Variants in GPM6A observed in about 807,000 individuals in gnomAD.
GPM6A encodes glycoprotein M6A.
Under a neutral mutation model 32.1 loss-of-function variants are expected in GPM6A, and 7 were observed. That is an observed-to-expected ratio of 0.22 (90% CI 0.12 to 0.41). The LOEUF is 0.41. Ranked by LOEUF, GPM6A falls within the 10% of genes least tolerant of loss-of-function variation. The pLI, the probability that GPM6A is intolerant of heterozygous loss-of-function variation, is 1.00. For synonymous variants in GPM6A, 130 were observed against 123.4 expected (o/e 1.05, Z -0.35); for missense variants, 235 against 347.2 (o/e 0.68, Z 2.57).
At position 175,696,843 on chromosome 4, in the gene GPM6A, C is replaced by A. The variant is rs550703575; in HGVS notation, c.230+4732G>T. Among the ~76,000 whole-genome samples the A allele has an allele frequency of 5.9e-5, 9 of 152,122 alleles. No individual in the cohort carries two copies. In the South Asian group the frequency reaches 1.0e-3, roughly 17 times the overall value. The stretch of plus-strand genomic sequence containing the variant: ...CAACTGTTTCCTACTTCATTAACTT[C>A]CAAGGAGTAAACGTAAACTACAAGC... On this transcript the variant is annotated intron_variant, in intron 2 of 6. Coordinates refer to ENST00000393658, the MANE Select transcript of GPM6A (RefSeq NM_201591.3).
chr4:175,918,418 A>T (rs1335375720), intron 1 of GPM6A, among the ~76,000 whole-genome samples: 3 of 152,178 alleles, frequency 2.0e-5, no homozygotes, highest in African/African-American at 7.2e-5. Flanking sequence ...TAGGGAAAAG[A>T]AATGAGGCAC....
chr4:175,851,214 G>A (rs1359866246), intron 1 of GPM6A, among the ~76,000 whole-genome samples: 1 of 151,892 alleles, frequency 6.6e-6, no homozygotes, highest in East Asian at 1.9e-4. Flanking sequence ...AAAATTAGCT[G>A]GGTGTGGTGG....
intron 1 of GPM6A, among the ~76,000 whole-genome samples, chr4:175,804,168 A>G (rs1579520323): frequency 6.6e-6 from 1 of 152,314 alleles, no homozygotes; most frequent in East Asian, 1.9e-4. Context: ...CCTTATTTTA[A>G]TAATGAATTC....
chr4:175,730,697 C>T (rs1731389284), intron 1 of GPM6A, among the ~76,000 whole-genome samples: 2 of 152,142 alleles, frequency 1.3e-5, no homozygotes, highest in Admixed American at 6.5e-5. Flanking sequence ...TGGTCTCGAT[C>T]TCCTGACCTC....
intron 1 of GPM6A, among the ~76,000 whole-genome samples, chr4:175,804,713 C>T (rs965337101): frequency 1.3e-5 from 2 of 151,756 alleles, no homozygotes; most frequent in South Asian, 2.1e-4. Flanking sequence ...TGTTCAATAA[C>T]GAAACTGAAC....
intron 3 of GPM6A, among the ~76,000 whole-genome samples, chr4:175,671,300 T>C (rs56322600): frequency 0.032 from 4,869 of 149,968 alleles, 103 homozygotes; most frequent in Non-Finnish European, 0.045. Flanking sequence ...TATATACTTG[T>C]TGCAAAAAAA....
At chr4:175,964,249 CTAAG>C (rs1172263359) in intron 1 of GPM6A, among the ~76,000 whole-genome samples, 3 of 151,756 alleles carry the variant, frequency 2.0e-5, no homozygotes, top group Non-Finnish European at 2.9e-5. Flanking sequence ...AAGAGAGAGA[CTAAG>C]TGCATAAAAC....
At chr4:175,864,473 T>C (rs1736669588) in intron 1 of GPM6A, among the ~76,000 whole-genome samples, 1 of 152,014 alleles carries the variant, frequency 6.6e-6, no homozygotes, top group African/African-American at 2.4e-5. Context: ...CATGCCCAGC[T>C]TTTTGCTAAT....
chr4:175,685,048 C>T (rs557520512), intron 2 of GPM6A, among the ~76,000 whole-genome samples: 36 of 152,088 alleles, frequency 2.4e-4, no homozygotes, highest in African/African-American at 8.0e-4. Flanking sequence ...CCACCACGCC[C>T]GGCTAATTTT....
At chr4:175,799,810 G>A (rs1184254425) in intron 1 of GPM6A, among the ~76,000 whole-genome samples, 2 of 150,052 alleles carry the variant, frequency 1.3e-5, no homozygotes, top group Non-Finnish European at 3.0e-5. Context: ...CAGTAGCTGG[G>A]ACTACAGGCG....
chr4:175,776,855 A>C (rs1418450894), intron 1 of GPM6A, among the ~76,000 whole-genome samples: 1 of 152,164 alleles, frequency 6.6e-6, no homozygotes, highest in Non-Finnish European at 1.5e-5. Context: ...TATACATTGA[A>C]ATGACGAAAC....
chr4:175,642,823 T>C (rs981463569), intron 4 of GPM6A, among the ~76,000 whole-genome samples: 1 of 152,148 alleles, frequency 6.6e-6, no homozygotes, highest in Non-Finnish European at 1.5e-5. Flanking sequence ...ATATCTCTCT[T>C]CTGAAATCAG....
intron 3 of GPM6A, among the ~76,000 whole-genome samples, chr4:175,658,916 A>G (rs1182070408): frequency 1.3e-5 from 2 of 152,178 alleles, no homozygotes; most frequent in African/African-American, 4.8e-5. Flanking sequence ...ATTTCATCAG[A>G]ATAAAATGAT....
intron 1 of GPM6A, chr4:175,798,641 G>A (rs559189065): frequency 3.3e-5 from 5 of 152,016 alleles, no homozygotes; most frequent in South Asian, 2.1e-4. Flanking sequence ...TCTTGGTGGC[G>A]GAAGGAGAGG....
At chr4:175,823,631 A>G (rs1183522758) in intron 1 of GPM6A, among the ~76,000 whole-genome samples, 1 of 152,202 alleles carries the variant, frequency 6.6e-6, no homozygotes, top group African/African-American at 2.4e-5. Context: ...ATTACACTAT[A>G]TGGTGCATAG....
intron 1 of GPM6A, among the ~76,000 whole-genome samples, chr4:175,992,727 T>C (rs948035291): frequency 1.3e-5 from 2 of 152,190 alleles, no homozygotes; most frequent in African/African-American, 4.8e-5. Context: ...TATTCCTAAA[T>C]ACATGAAGGT....
At chr4:175,785,634 T>C (rs549002839) in intron 1 of GPM6A, among the ~76,000 whole-genome samples, 12 of 152,182 alleles carry the variant, frequency 7.9e-5, no homozygotes, top group Non-Finnish European at 1.5e-4. Context: ...AACCCCTTTT[T>C]TAGCATTTGC....
At chr4:175,922,278 A>G (rs968617517) in intron 1 of GPM6A, among the ~76,000 whole-genome samples, 1 of 152,222 alleles carries the variant, frequency 6.6e-6, no homozygotes, top group Admixed American at 6.5e-5. Flanking sequence ...AATGATACCC[A>G]AATGTCCTAT....
chr4:175,894,279 A>T (rs991294890), intron 1 of GPM6A, among the ~76,000 whole-genome samples: 5 of 152,180 alleles, frequency 3.3e-5, no homozygotes, highest in African/African-American at 1.2e-4. Context: ...AGACCAAATT[A>T]AGTGTTCTCA....
Sources: allele counts gnomAD v4.1 joint callset (sites outside exome capture counted in the v4.1 genomes callset), GRCh38; gene constraint gnomAD v4.1.1; transcripts MANE v1.5; gene names NCBI Gene and HGNC (gene_info 2026-07-23, HGNC 2026-07-21).